Variants in HP1BP3 observed in about 807,000 individuals in gnomAD.
HP1BP3 encodes heterochromatin protein 1 binding protein 3.
Under a neutral mutation model 62.5 loss-of-function variants are expected in HP1BP3, and 12 were observed. The ratio of observed to expected loss-of-function variants is 0.19; its 90% CI spans 0.12 to 0.31. HP1BP3 has a LOEUF of 0.31. Ranked by LOEUF, HP1BP3 falls within the 10% of genes least tolerant of loss-of-function variation. HP1BP3 has a pLI of 1.00. For missense variants in HP1BP3, 502 were observed against 651.8 expected (o/e 0.77, Z 2.50); for synonymous variants, 260 against 237.8 (o/e 1.09, Z -0.86).
chr1:20,757,362 T>A (rs2056177853), intron 8 of HP1BP3, 106 bp from the exon 9 acceptor site: 8 of 429,618 alleles, frequency 1.9e-5, no homozygotes, highest in African/African-American at 3.4e-5. Context: ...TGATTACTAT[T>A]ATTATTATTA....
At chr1:20,765,616 C>A (rs1041433177) in intron 7 of HP1BP3, 85 bp from the exon 8 acceptor site, 27 of 1,060,816 alleles carry the variant, frequency 2.5e-5, no homozygotes, top group Middle Eastern at 4.3e-4. Context: ...CAGTTGATTA[C>A]CAAATTTGTC....
At chr1:20,774,892 G>A (rs1472389000) in intron 4 of HP1BP3, 4 of 152,154 alleles carry the variant, frequency 2.6e-5, no homozygotes, top group Non-Finnish European at 5.8e-5. Context: ...GTTGAGGCAG[G>A]AGAATCGCTT....
rs1168906434 is a variant in HP1BP3, at chr1:20,773,147, T to C, written c.510+304A>G. Among the ~76,000 whole-genome samples the C allele has an allele frequency of 2.0e-5, 3 of 152,220 alleles. No individual in the cohort carries two copies. In the East Asian group the frequency reaches 5.8e-4, roughly 29 times the overall value. On this transcript the variant is annotated intron_variant, in intron 5 of 12. Transcript: ENST00000438032. ...ACAGAGGAAGGTAGTCCTTAAATGT[T>C]TGTTCAATGAATTAACATTTTCAGC...
chr1:20,768,474 C>G (rs114727443), intron 6 of HP1BP3, among the ~76,000 whole-genome samples: 1 of 152,088 alleles, frequency 6.6e-6, no homozygotes, highest in African/African-American at 2.4e-5. Flanking sequence ...TTTTTAGCCA[C>G]TGCACACAAT....
At chr1:20,752,371 T>C (rs1476482161) in intron 9 of HP1BP3, among the ~76,000 whole-genome samples, 2 of 151,450 alleles carry the variant, frequency 1.3e-5, no homozygotes, top group African/African-American at 4.8e-5. Context: ...CTCGGCTCAC[T>C]GCAACCTCCG....
At chr1:20,772,191 C>T (rs556620701) in intron 5 of HP1BP3, among the ~76,000 whole-genome samples, 10 of 152,216 alleles carry the variant, frequency 6.6e-5, no homozygotes, top group African/African-American at 2.4e-4. Context: ...GATTCCTGTT[C>T]AATACAGAAA....
chr1:20,783,680 G>A (rs191142850), intron 1 of HP1BP3, among the ~76,000 whole-genome samples: 2 of 139,578 alleles, frequency 1.4e-5, no homozygotes, highest in East Asian at 2.3e-4. Context: ...TCAGGCAGGA[G>A]AATCACTTGA....
At chr1:20,781,421 T>G (rs971346942) in intron 1 of HP1BP3, among the ~76,000 whole-genome samples, 3 of 152,198 alleles carry the variant, frequency 2.0e-5, no homozygotes, top group Admixed American at 6.5e-5. Flanking sequence ...AGTCCCAACC[T>G]ACAACAACTA....
chr1:20,761,796 T>C (rs969600411), intron 8 of HP1BP3, among the ~76,000 whole-genome samples: 3 of 152,032 alleles, frequency 2.0e-5, no homozygotes, highest in Admixed American at 2.0e-4. Context: ...CCTTAGGAGA[T>C]TGAGAAACGA....
At chr1:20,747,257 T>C (rs1001101002) in intron 11 of HP1BP3, among the ~76,000 whole-genome samples, 3 of 152,202 alleles carry the variant, frequency 2.0e-5, no homozygotes, top group Non-Finnish European at 4.4e-5. Context: ...TAGCCCACTT[T>C]ATATGTGGAC....
chr1:20,748,156 C>T (rs928979326), intron 10 of HP1BP3, among the ~76,000 whole-genome samples: 1 of 151,770 alleles, frequency 6.6e-6, no homozygotes, highest in Non-Finnish European at 1.5e-5. Flanking sequence ...ACATAAACAG[C>T]AGACCTAAAA....
rs184794216 is a variant in HP1BP3, at chr1:20,742,034, T to C, written c.*2763A>G. 1.3e-5 allele frequency among the ~76,000 whole-genome samples: 2 copies of C among 152,366 alleles called. No homozygotes were observed. Among genetic ancestry groups the C allele is most frequent in the East Asian group, 3.9e-4 (2 of 5,188 alleles). ...CCCTTTACATCACACTGAAACAAAC[T>C]GTCCTTATAGTTAACAGAACGTTAG... On this transcript the variant is annotated 3_prime_UTR_variant, in exon 13 of 13. Coordinates refer to ENST00000438032, the MANE Select transcript of HP1BP3 (RefSeq NM_001372052.1).
intron 9 of HP1BP3, among the ~76,000 whole-genome samples, chr1:20,754,590 G>C (rs1202426620): frequency 6.6e-6 from 1 of 151,942 alleles, no homozygotes; most frequent in African/African-American, 2.4e-5. Flanking sequence ...TCACTATAAA[G>C]CTACAGTCAG....
At chr1:20,765,878 C>T (rs186769587) in intron 7 of HP1BP3, among the ~76,000 whole-genome samples, 2 of 151,232 alleles carry the variant, frequency 1.3e-5, no homozygotes, top group Non-Finnish European at 2.9e-5. Flanking sequence ...GGCACAAGAA[C>T]TGCTTGAACC....
At chr1:20,752,300 C>CT (rs1034571321) in intron 9 of HP1BP3, among the ~76,000 whole-genome samples, 101 of 145,734 alleles carry the variant, frequency 6.9e-4, no homozygotes, top group Admixed American at 8.3e-4. Context: ...TTTTCACTGT[C>CT]TTTTTTTTTT....
intron 10 of HP1BP3, among the ~76,000 whole-genome samples, chr1:20,748,059 T>C (rs1195875486): frequency 1.3e-5 from 2 of 151,514 alleles, no homozygotes; most frequent in Non-Finnish European, 2.9e-5. Flanking sequence ...TTGAGTCAAA[T>C]ACCTTATTTC....
chr1:20,764,884 A>C (rs1042431317), intron 8 of HP1BP3, among the ~76,000 whole-genome samples: 17 of 151,256 alleles, frequency 1.1e-4, no homozygotes, highest in Admixed American at 8.6e-4. Flanking sequence ...TCAAAAAAAA[A>C]AAGGCTGGCC....
intron 4 of HP1BP3, 140 bp from the exon 5 acceptor site, chr1:20,773,750 A>G (rs2057167337): frequency 6.1e-6 from 3 of 494,282 alleles, no homozygotes; most frequent in Non-Finnish European, 1.0e-5. Context: ...ACCATAAGCA[A>G]AATTTTACAA....
intron 9 of HP1BP3, among the ~76,000 whole-genome samples, chr1:20,754,020 G>A (rs1034017113): frequency 6.6e-6 from 1 of 152,174 alleles, no homozygotes; most frequent in African/African-American, 2.4e-5. Flanking sequence ...GAGCAATCAG[G>A]CAATCAGAAG....
Sources: gnomAD v4.1 joint callset for allele counts (sites outside exome capture counted in the v4.1 genomes callset) on GRCh38, gnomAD v4.1.1 for gene constraint, MANE v1.5 for transcripts, NCBI Gene and HGNC (gene_info 2026-07-23, HGNC 2026-07-21) for gene names.